The following GABRA4 variants were observed in gnomAD, a reference collection of about 807,000 sequenced individuals.
The protein encoded by GABRA4 is gamma-aminobutyric acid receptor subunit alpha-4.
A neutral mutation model predicts 49.7 loss-of-function variants in GABRA4; 12 were observed. The observed-to-expected ratio is 0.24, with a 90% CI of 0.15 to 0.39. The LOEUF is 0.39. Among genes scored for constraint, GABRA4 ranks in the 10% least tolerant of loss-of-function variants. GABRA4 has a pLI of 1.00. For synonymous variants in GABRA4, 288 were observed against 240.2 expected (o/e 1.20, Z -1.84); for missense variants, 506 against 686.0 (o/e 0.74, Z 2.93).
At chr4:46,955,452 C>T (rs546810293) in intron 8 of GABRA4, among the ~76,000 whole-genome samples, 191 of 152,206 alleles carry the variant, frequency 1.3e-3, no homozygotes, top group South Asian at 2.5e-3. Flanking sequence ...TTCTTCTTCT[C>T]TTTGCCATTT....
At chr4:46,955,351 C>T (rs1028002970) in intron 8 of GABRA4, among the ~76,000 whole-genome samples, 1 of 151,948 alleles carries the variant, frequency 6.6e-6, no homozygotes, top group East Asian at 1.9e-4. Context: ...AATTTTGATG[C>T]GAATGTTGGC....
rs73813748 is a variant in GABRA4 at position 46,948,154 on chromosome 4, C to A, written c.1134+16816G>T. 1.8e-3 allele frequency among the ~76,000 whole-genome samples: 272 copies of A among 152,170 alleles called. 2 individuals are homozygous for A. Among genetic ancestry groups the A allele is most frequent in the African/African-American group, 6.0e-3 (250 of 41,528 alleles). On this transcript the variant is annotated intron_variant, in intron 8 of 8. Transcript: ENST00000264318. ...GGCTAATGTCTCTATTTTCACAGCACCCTAAAATTATTCTAATAGTGAACC... is the reference window on the plus strand; with the variant it reads ...GGCTAATGTCTCTATTTTCACAGCAACCTAAAATTATTCTAATAGTGAACC...
intron 7 of GABRA4, among the ~76,000 whole-genome samples, chr4:46,970,850 C>T (rs1722928587): frequency 6.6e-6 from 1 of 151,510 alleles, no homozygotes; most frequent in Admixed American, 6.6e-5. Context: ...TGGTCTATGC[C>T]TGTCTGGTTC....
chr4:46,977,870 C>T (rs1723202001), intron 3 of GABRA4, among the ~76,000 whole-genome samples: 1 of 151,964 alleles, frequency 6.6e-6, no homozygotes. Flanking sequence ...AATTACCACA[C>T]ATACTAATAA....
Position 46,965,868 on chromosome 4 carries a change from T to C in GABRA4, c.875-639A>G, listed in dbSNP as rs184610744. On this transcript the variant is annotated intron_variant, in intron 7 of 8. Coordinates refer to ENST00000264318, the MANE Select transcript of GABRA4 (RefSeq NM_000809.4). The stretch of plus-strand genomic sequence containing the variant: ...CCTCATTTTTATAAAACAATAAAGT[T>C]ATATTACTGGACGAATAGATTTCCA... Among the ~76,000 whole-genome samples the C allele has an allele frequency of 6.6e-5, 10 of 151,958 alleles. No individual in the cohort carries two copies. The East Asian group carries it at 1.2e-3, about 18-fold the overall frequency.
intron 7 of GABRA4, among the ~76,000 whole-genome samples, chr4:46,967,834 A>T (rs1441155612): frequency 6.6e-6 from 1 of 151,698 alleles, no homozygotes; most frequent in African/African-American, 2.4e-5. Context: ...GAGTAGGCAA[A>T]GACTGTACAC....
chr4:46,978,096 G>T (rs1177638604), intron 3 of GABRA4, among the ~76,000 whole-genome samples: 1 of 151,978 alleles, frequency 6.6e-6, no homozygotes, highest in African/African-American at 2.4e-5. Flanking sequence ...TAACTCAAGG[G>T]TTTCAAATTA....
chr4:46,968,241 C>T (rs1722834365), intron 7 of GABRA4, among the ~76,000 whole-genome samples: 1 of 151,456 alleles, frequency 6.6e-6, no homozygotes. Flanking sequence ...TTCATAGGCC[C>T]TCAATGATAG....
Position 46,926,089 on chromosome 4 carries a change from C to T in GABRA4, c.*2136G>A, listed in dbSNP as rs1721220437. 1 of 151,506 alleles carries T rather than the reference C, an allele frequency of 6.6e-6. No individual in the cohort carries two copies. Among genetic ancestry groups the T allele is most frequent in the African/African-American group, 2.4e-5 (1 of 41,284 alleles). 9.4% of individuals were successfully genotyped at this position (151,506 alleles called of 1,614,324 possible). ...TCCTCACCAAAAACAACAACAACAA[C>T]AACAACAACAACAACAAAACCAGCC... On this transcript the variant is annotated 3_prime_UTR_variant, in exon 9 of 9. Transcript: ENST00000264318.
At chr4:46,965,346 T>A in intron 7 of GABRA4, 117 bp from the exon 8 acceptor site, 1 of 794,546 alleles carries the variant, frequency 1.3e-6, no homozygotes, top group Non-Finnish European at 1.8e-6. Context: ...AAAACTACAA[T>A]AACTCAAAGA....
chr4:46,938,551 G>T lies in GABRA4; in HGVS notation c.1135-9796C>A, dbSNP rs1006080820. Among the ~76,000 whole-genome samples, 7 of 152,200 alleles carry T rather than the reference G, an allele frequency of 4.6e-5. No homozygotes were observed. The East Asian group carries it at 1.4e-3, about 29-fold the overall frequency. Reference sequence around the variant, plus strand: ...CTCTGTAAAATCATAGCTATGCAAGGTGAGGAAGTCTTTGATGAGCCAAGA... The same window carrying T: ...CTCTGTAAAATCATAGCTATGCAAGTTGAGGAAGTCTTTGATGAGCCAAGA... On this transcript the variant is annotated intron_variant, in intron 8 of 8. Transcript: ENST00000264318.
chr4:46,934,269 G>C (rs542905506), intron 8 of GABRA4, among the ~76,000 whole-genome samples: 1 of 152,200 alleles, frequency 6.6e-6, no homozygotes, highest in East Asian at 1.9e-4. Context: ...AGATCATTTG[G>C]ACAGGACTTC....
chr4:46,982,606 G>A (rs1223788090), intron 2 of GABRA4, among the ~76,000 whole-genome samples: 1 of 151,970 alleles, frequency 6.6e-6, no homozygotes, highest in African/African-American at 2.4e-5. Flanking sequence ...GTTCTTTCCT[G>A]GAGCTTTCTT....
chr4:46,959,796 C>T (rs1337453828), intron 8 of GABRA4, among the ~76,000 whole-genome samples: 8 of 136,818 alleles, frequency 5.8e-5, no homozygotes, highest in Non-Finnish European at 7.8e-5. Flanking sequence ...ACTCTATCAA[C>T]TCACTATAAC....
Position 46,928,618 on chromosome 4 carries a change from T to C in GABRA4, c.1272A>G (p.Thr424=). Reference sequence around the variant, plus strand: ...GACTGGAAGCTAAGTAAGACCGAGGTGTGCCTTTAGAAGATTCTTGAACAA... The same window carrying C: ...GACTGGAAGCTAAGTAAGACCGAGGCGTGCCTTTAGAAGATTCTTGAACAA... ...STVVQESSKG[T]PRSYLASSPN... The change falls in exon 9 of 9, where the codon ACA becomes ACG. Residue 424 remains threonine, a synonymous_variant. Coordinates refer to ENST00000264318, the MANE Select transcript of GABRA4 (RefSeq NM_000809.4). 6.2e-7 allele frequency: 1 copy of C among 1,613,696 alleles called. No individual in the cohort carries two copies. The highest frequency in any genetic ancestry group is 8.5e-7 in the Non-Finnish European group (1 of 1,179,770).
At chr4:46,975,816 C>G (rs1259462618) in intron 5 of GABRA4, among the ~76,000 whole-genome samples, 2 of 151,826 alleles carry the variant, frequency 1.3e-5, no homozygotes, top group African/African-American at 2.4e-5. Flanking sequence ...AATTCTGGCC[C>G]CAATGAGATC....
At chr4:46,989,838 AT>A (rs1723681559) in intron 2 of GABRA4, among the ~76,000 whole-genome samples, 1 of 152,182 alleles carries the variant, frequency 6.6e-6, no homozygotes, top group Admixed American at 6.5e-5. Flanking sequence ...CAAAATCTGG[AT>A]TGTTTTCATT....
chr4:46,951,900 T>C (rs1354838516), intron 8 of GABRA4, among the ~76,000 whole-genome samples: 2 of 151,774 alleles, frequency 1.3e-5, no homozygotes, highest in African/African-American at 4.8e-5. Flanking sequence ...GAGGCAAAAA[T>C]AGAGTGCCCA....
At chr4:46,983,395 TC>T (rs1271465950) in intron 2 of GABRA4, among the ~76,000 whole-genome samples, 1 of 152,110 alleles carries the variant, frequency 6.6e-6, no homozygotes, top group Non-Finnish European at 1.5e-5. Context: ...AAAATCTTAA[TC>T]CTTTTTGAAG....
Sources: allele counts gnomAD v4.1 joint callset (sites outside exome capture counted in the v4.1 genomes callset), GRCh38; gene constraint gnomAD v4.1.1; transcripts MANE v1.5; gene names NCBI Gene and HGNC (gene_info 2026-07-23, HGNC 2026-07-21).